RPS19BP1: variants seen among roughly 807,000 people sequenced by gnomAD.
RPS19BP1 encodes ribosomal protein S19 binding protein 1.
Under a neutral mutation model 16.6 loss-of-function variants are expected in RPS19BP1, and 14 were observed. That is an observed-to-expected ratio of 0.84 (90% CI 0.56 to 1.32). The LOEUF (loss-of-function observed/expected upper bound fraction) is 1.32. Ranked by LOEUF, RPS19BP1 falls within the 40% of genes most tolerant of loss-of-function variation. RPS19BP1 has a pLI of 0.00. For missense variants in RPS19BP1, 188 were observed against 178.6 expected (o/e 1.05, Z -0.30); for synonymous variants, 90 against 77.3 (o/e 1.16, Z -0.86).
intron 2 of RPS19BP1, chr22:39,530,451 C>T (rs1232571698): frequency 1.3e-4 from 30 of 237,160 alleles, no homozygotes; most frequent in South Asian, 9.4e-4. Flanking sequence ...TGGCTGGGTG[C>T]GGTGGCTCAC....
At chr22:39,532,595 C>A in intron 1 of RPS19BP1, 72 bp from the exon 2 acceptor site, 1 of 1,609,306 alleles carries the variant, frequency 6.2e-7, no homozygotes, top group African/African-American at 1.3e-5. Flanking sequence ...GGGGCTAAGC[C>A]CGGCCTGGAT....
chr22:39,532,356 G>T, intron 2 of RPS19BP1, 39 bp downstream of exon 2: 1 of 1,613,788 alleles, frequency 6.2e-7, no homozygotes, highest in Non-Finnish European at 8.5e-7. Context: ...GCAGGTCCCA[G>T]CACCGGAGGC....
chr22:39,529,836 T>C lies in RPS19BP1; in HGVS notation c.263A>G (p.Glu88Gly). The change falls in exon 3 of 4, where the codon GAG becomes GGG. Residue 88 changes from glutamate (E) to glycine (G), a missense_variant. By Grantham distance (98) the Glu-to-Gly change is moderately conservative. Transcript: ENST00000334678. ...TCGACCAACCTGCTGGCTCACAGAC[T>C]CAGCCACGGTGCTTCTCGTCCTGGT... ...FLTRTRSTVA[E>G]SVSQQILRQN... 6.2e-7 allele frequency: 1 copy of C among 1,614,156 alleles called. No homozygotes were observed. Among genetic ancestry groups the C allele is most frequent in the Non-Finnish European group, 8.5e-7 (1 of 1,180,002 alleles).
At chr22:39,529,793 TC>T (rs1421853835) in intron 3 of RPS19BP1, 26 bp downstream of exon 3, 2 of 1,609,422 alleles carry the variant, frequency 1.2e-6, no homozygotes, top group Non-Finnish European at 1.7e-6. Context: ...ACCTCCCAGG[TC>T]CCTTCCTATA....
Position 39,532,417 on chromosome 22 carries a change from T to C in RPS19BP1, c.159A>G (p.Gly53=). The C allele has an allele frequency of 6.2e-7, 1 of 1,614,186 alleles. No individual in the cohort carries two copies. The highest frequency in any genetic ancestry group is 8.5e-7 in the Non-Finnish European group (1 of 1,180,020). ...TACCCAGTGCCGACTTGGGCACCTTTCCCTTGGCCGAGTTCCGCAGTTTCT... is the reference window on the plus strand; with the variant it reads ...TACCCAGTGCCGACTTGGGCACCTTCCCCTTGGCCGAGTTCCGCAGTTTCT... ...QAQKLRNSAK[G]KVPKSALDEY... Residue 53 remains glycine, a synonymous_variant, in exon 2 of 4, where the codon GGA becomes GGG. Coordinates refer to ENST00000334678, the MANE Select transcript of RPS19BP1 (RefSeq NM_194326.4).
rs1271970189 is a variant in RPS19BP1, at chr22:39,529,614, G to A, written c.289C>T (p.Gln97Ter). Reference protein sequence around the residue: ...AESVSQQILRQNRGRKACDRP... With the variant: ...AESVSQQILR ...TCACAGGCCTTGCGGCCCCGGTTCT[G>A]GCGCAAAATCTGGCGAGGGTGCGGG... is the stretch of plus-strand genomic sequence containing the variant. The change falls in exon 4 of 4, where the codon CAG becomes TAG. Residue 97 changes from glutamine to a stop codon, truncating the protein, a stop_gained. Transcript: ENST00000334678. LOFTEE classifies it high-confidence loss of function. The A allele has an allele frequency of 1.9e-6, 3 of 1,614,022 alleles. No individual in the cohort carries two copies. Among genetic ancestry groups the A allele is most frequent in the Non-Finnish European group, 2.5e-6 (3 of 1,180,010 alleles).
intron 2 of RPS19BP1, chr22:39,530,429 A>G (rs1931277807): frequency 8.8e-6 from 2 of 226,242 alleles, no homozygotes; most frequent in African/African-American, 4.7e-5. Context: ...GAAAAACACA[A>G]AACAGCTGGA....
At chr22:39,531,035 C>G (rs758494823) in intron 2 of RPS19BP1, 1 of 152,264 alleles carries the variant, frequency 6.6e-6, no homozygotes, top group Non-Finnish European at 1.5e-5. Flanking sequence ...CAGCTTGGAG[C>G]AAAGTGGCAG....
At position 39,529,387 on chromosome 22, in the gene RPS19BP1, C is replaced by T. The variant is rs1476347612; in HGVS notation, c.*105G>A. 4.1e-6 allele frequency: 6 copies of T among 1,480,916 alleles called. No individual in the cohort carries two copies. Among genetic ancestry groups the T allele is most frequent in the Non-Finnish European group, 5.5e-6 (6 of 1,090,866 alleles). The allele number at this position is 1,480,916 out of a possible 1,614,324, so 91.7% of individuals were successfully genotyped here. ...CGCGGCTTCCTCGAGCCAGGCTGGT[C>T]CTGCATCGCCATCTGCTGGCCGCGC... is the stretch of plus-strand genomic sequence containing the variant. On this transcript the variant is annotated 3_prime_UTR_variant, in exon 4 of 4. Coordinates refer to ENST00000334678, the MANE Select transcript of RPS19BP1 (RefSeq NM_194326.4).
intron 2 of RPS19BP1, 139 bp downstream of exon 2, chr22:39,532,256 A>C: frequency 8.1e-7 from 1 of 1,240,246 alleles, no homozygotes; most frequent in South Asian, 1.4e-5. Context: ...TCGTATGTCC[A>C]GGGCCCCGCT....
intron 2 of RPS19BP1, chr22:39,531,490 TTA>T (rs1931308625): frequency 6.6e-6 from 1 of 152,176 alleles, no homozygotes; most frequent in Non-Finnish European, 1.5e-5. Flanking sequence ...CCGAAAGTCT[TTA>T]TGTCTATTAA....
At chr22:39,532,592 A>G (rs900568494) in intron 1 of RPS19BP1, 69 bp from the exon 2 acceptor site, 1 of 1,609,630 alleles carries the variant, frequency 6.2e-7, no homozygotes, top group African/African-American at 1.3e-5. Flanking sequence ...ACTGGGGCTA[A>G]GCCCGGCCTG....
At position 39,532,446 on chromosome 22, in the gene RPS19BP1, C is replaced by G. The variant is rs1931339052; in HGVS notation, c.130G>C (p.Ala44Pro). The G allele has an allele frequency of 3.1e-6, 5 of 1,614,134 alleles. No homozygotes were observed. The Admixed American group carries it at 8.3e-5, about 27-fold the overall frequency. Residue 44 changes from alanine (A) to proline (P), a missense_variant, in exon 2 of 4, where the codon GCC becomes CCC. Physicochemically the swap from Ala to Pro is conservative, Grantham distance 27 (BLOSUM62 -1). Coordinates refer to ENST00000334678, the MANE Select transcript of RPS19BP1 (RefSeq NM_194326.4). ...KRPRKTKAIQ[A>P]QKLRNSAKGK... Reference sequence around the variant, plus strand: ...TTGGCCGAGTTCCGCAGTTTCTGGGCCTGAATTGCCTTCGTCTTCCGGGGC... The same window carrying G: ...TTGGCCGAGTTCCGCAGTTTCTGGGGCTGAATTGCCTTCGTCTTCCGGGGC...
Position 39,529,589 on chromosome 22 carries a change from T to C in RPS19BP1, c.314A>G (p.Asp105Gly). ...LRQNRGRKAC[D>G]RPVAKTKKKK... ...CTTCTTGGTCTTGGCCACAGGCCGG[T>C]CACAGGCCTTGCGGCCCCGGTTCTG... The change falls in exon 4 of 4, where the codon GAC (aspartate) becomes GGC (glycine). Residue 105 changes from aspartate (D) to glycine (G), a missense_variant. Asp to Gly is a moderately conservative substitution (Grantham distance 94). Coordinates refer to ENST00000334678, the MANE Select transcript of RPS19BP1 (RefSeq NM_194326.4). 1 of 1,614,158 alleles carries C rather than the reference T, an allele frequency of 6.2e-7. No homozygotes were observed. The highest frequency in any genetic ancestry group is 8.5e-7 in the Non-Finnish European group (1 of 1,180,012).
chr22:39,532,731 G>A lies in RPS19BP1; in HGVS notation c.8C>T (p.Ala3Val). 1.3e-6 allele frequency: 2 copies of A among 1,542,886 alleles called. No homozygotes were observed. The highest frequency in any genetic ancestry group is 1.7e-6 in the Non-Finnish European group (2 of 1,146,732). ...CTCCAGGCCCCGCCGCAGCAGGGCG[G>A]CGGACATGGCGGCGCTTGGCTCCGC... is the stretch of plus-strand genomic sequence containing the variant. MSAALLRRGLELL... is the reference protein window; with the variant it reads MSVALLRRGLELL... Residue 3 changes from alanine (A) to valine (V), a missense_variant, in exon 1 of 4, where the codon GCC (alanine) becomes GTC (valine). Ala to Val is a moderately conservative substitution (Grantham distance 64). Coordinates refer to ENST00000334678, the MANE Select transcript of RPS19BP1 (RefSeq NM_194326.4).
chr22:39,530,084 G>A lies in RPS19BP1; in HGVS notation c.182-167C>T, dbSNP rs958371968. ...ATTCTCCACACAGGTCCTGCTGAAAGCCCCAGGCTCTTGGCCCCCACCCCC... is the reference window on the plus strand; with the variant it reads ...ATTCTCCACACAGGTCCTGCTGAAAACCCCAGGCTCTTGGCCCCCACCCCC... On this transcript the variant is annotated intron_variant, in intron 2 of 3. Transcript: ENST00000334678. 3.0e-5 allele frequency: 19 copies of A among 623,526 alleles called. No individual in the cohort carries two copies. The Admixed American group carries it at 3.6e-4, about 12-fold the overall frequency. 38.6% of individuals were successfully genotyped at this position (623,526 alleles called of 1,614,324 possible).
At position 39,530,168 on chromosome 22, in the gene RPS19BP1, G is replaced by A. The variant is rs1203170314; in HGVS notation, c.182-251C>T. On this transcript the variant is annotated intron_variant, in intron 2 of 3. Coordinates refer to ENST00000334678, the MANE Select transcript of RPS19BP1 (RefSeq NM_194326.4). ...CCAAGGGAGCTACTCTGGAGCTTTC[G>A]CTTCAGTGAGAGATGAAGGACAAAG... The A allele has an allele frequency of 2.9e-5, 14 of 489,818 alleles. No individual in the cohort carries two copies. In the East Asian group the frequency reaches 4.2e-4, roughly 15 times the overall value. 30.3% of individuals were successfully genotyped at this position (489,818 alleles called of 1,614,324 possible).
intron 2 of RPS19BP1, chr22:39,531,855 G>A (rs1931318998): frequency 6.5e-6 from 1 of 154,578 alleles, no homozygotes; most frequent in South Asian, 1.8e-4. Context: ...CTTAGAATCA[G>A]CACCTGGTAC....
At chr22:39,529,727 C>A (rs984208588) in intron 3 of RPS19BP1, 93 bp downstream of exon 3, 2 of 1,597,210 alleles carry the variant, frequency 1.3e-6, no homozygotes, top group East Asian at 4.5e-5. Flanking sequence ...CAGCCTCCCA[C>A]CCTATGCTCA....
Sources: gnomAD v4.1 joint callset for allele counts on GRCh38, gnomAD v4.1.1 for gene constraint, MANE v1.5 for transcripts, NCBI Gene and HGNC (gene_info 2026-07-23, HGNC 2026-07-21) for gene names.